NHERF2: variants seen among roughly 807,000 people sequenced by gnomAD.
The protein encoded by NHERF2 is NHERF family PDZ scaffold protein 2.
the NHERF2 span, chr16:2,035,433 G>A: frequency 1.0e-6 from 1 of 985,724 alleles, no homozygotes; most frequent in Non-Finnish European, 1.2e-6. Flanking sequence ...GACACACAGG[G>A]AGGTAGGAGG....
chr16:2,033,302 C>A, the NHERF2 span: 2 of 1,532,694 alleles, frequency 1.3e-6, no homozygotes, highest in South Asian at 2.4e-5. Context: ...CCAGAGAGTT[C>A]AGGCCACCCC....
the NHERF2 span, among the ~76,000 whole-genome samples, chr16:2,028,398 G>A: frequency 1.3e-5 from 2 of 152,206 alleles, no homozygotes; most frequent in Non-Finnish European, 2.9e-5. Flanking sequence ...CTGTTGGATA[G>A]TCACTGCCAC....
At chr16:2,032,218 CCGTGTTGGCCA>C in the NHERF2 span, among the ~76,000 whole-genome samples, 1 of 152,126 alleles carries the variant, frequency 6.6e-6, no homozygotes, top group Non-Finnish European at 1.5e-5. This position sits in a 1 kb window ranked among gnomAD's most constrained non-coding sequence, Gnocchi z 4.0. Context: ...CAGGGTTTCA[CCGTGTTGGCCA>C]GGCTGGTCTC....
the NHERF2 span, chr16:2,037,472 G>A: frequency 7.2e-7 from 1 of 1,397,670 alleles, no homozygotes; most frequent in Non-Finnish European, 1.0e-6. Flanking sequence ...GTGCCTCTGT[G>A]CACATGTGTG....
chr16:2,032,858 C>T, the NHERF2 span: 2 of 1,009,640 alleles, frequency 2.0e-6, no homozygotes, highest in Non-Finnish European at 2.4e-6. The surrounding 1 kb of genome is among the most constrained non-coding windows in gnomAD (Gnocchi z 4.0). Context: ...GAGCCCTCTG[C>T]CCCCTGCCCC....
chr16:2,027,945 C>T, the NHERF2 span, among the ~76,000 whole-genome samples: 2 of 152,234 alleles, frequency 1.3e-5, no homozygotes, highest in African/African-American at 4.8e-5. Context: ...TACTCCTCCT[C>T]AGAGGCTGCC....
chr16:2,038,268 C>A, the NHERF2 span: 5 of 554,826 alleles, frequency 9.0e-6, no homozygotes, highest in Non-Finnish European at 1.3e-5. Flanking sequence ...AGAGAGCGAG[C>A]GAGCGCGCGG....
the NHERF2 span, chr16:2,035,855 C>T: frequency 7.2e-5 from 16 of 222,472 alleles, no homozygotes; most frequent in South Asian, 3.3e-4. Flanking sequence ...AACAGAGCCG[C>T]CACCGCAGCC....
chr16:2,031,700 A>T, the NHERF2 span, among the ~76,000 whole-genome samples: 2 of 152,110 alleles, frequency 1.3e-5, no homozygotes, highest in Non-Finnish European at 2.9e-5. Context: ...CCCAAGGAAC[A>T]GGGTCTCCCC....
At chr16:2,027,425 G>C in the NHERF2 span, among the ~76,000 whole-genome samples, 4 of 152,224 alleles carry the variant, frequency 2.6e-5, no homozygotes, top group Non-Finnish European at 5.9e-5. Flanking sequence ...GCAGGGAGGG[G>C]CCCGCACTGC....
At chr16:2,035,870 C>T in the NHERF2 span, 1,617 of 196,332 alleles carry the variant, frequency 8.2e-3, 16 homozygotes, top group East Asian at 0.06. Context: ...GCAGCCAGCC[C>T]CACGGAGGCC....
the NHERF2 span, among the ~76,000 whole-genome samples, chr16:2,030,165 G>A: frequency 3.9e-5 from 6 of 152,218 alleles, no homozygotes; most frequent in Admixed American, 6.5e-5. Context: ...GGTGTCATCC[G>A]TGGCTCTGTC....
chr16:2,031,368 T>A, the NHERF2 span, among the ~76,000 whole-genome samples: 1 of 152,180 alleles, frequency 6.6e-6, no homozygotes, highest in Admixed American at 6.5e-5. Context: ...GGCCTCCCTC[T>A]TTCCCAGCCA....
At chr16:2,036,493 G>T in the NHERF2 span, 2 of 1,588,150 alleles carry the variant, frequency 1.3e-6, no homozygotes, top group Non-Finnish European at 1.7e-6. Flanking sequence ...GCCCAGGACC[G>T]GCTCATTGAG....
chr16:2,038,400 A>ACCCCCCCCTTC, the NHERF2 span: 11 of 336,036 alleles, frequency 3.3e-5, no homozygotes, highest in African/African-American at 1.4e-4. Context: ...AATACCAGAG[A>ACCCCCCCCTTC]CCCCCCCCCT....
At chr16:2,033,234 C>T in the NHERF2 span, 1 of 1,509,624 alleles carries the variant, frequency 6.6e-7, no homozygotes, top group Admixed American at 2.0e-5. Flanking sequence ...CCCCACCCAT[C>T]CCCGGGGAGC....
At chr16:2,029,752 C>T in the NHERF2 span, 19 of 1,554,004 alleles carry the variant, frequency 1.2e-5, no homozygotes, top group African/African-American at 2.7e-5. Flanking sequence ...GGGCACACAC[C>T]GGCAGCCACA....
the NHERF2 span, among the ~76,000 whole-genome samples, chr16:2,030,955 A>T: frequency 6.6e-6 from 1 of 152,158 alleles, no homozygotes; most frequent in African/African-American, 2.4e-5. Flanking sequence ...AAACAAAAAA[A>T]GGAAAAGAAA....
chr16:2,029,578 C>G, the NHERF2 span: 78 of 1,565,616 alleles, frequency 5.0e-5, no homozygotes, highest in South Asian at 8.6e-4. Context: ...CCCATTCGCC[C>G]CAGGTGGTGC....
Sources: allele counts gnomAD v4.1 joint callset (sites outside exome capture counted in the v4.1 genomes callset), GRCh38; gene constraint gnomAD v4.1.1; non-coding constraint Gnocchi (gnomAD v3.1); transcripts MANE v1.5; gene names NCBI Gene and HGNC (gene_info 2026-07-23, HGNC 2026-07-21).